CCDC6: variants seen among roughly 807,000 people sequenced by gnomAD.
CCDC6 encodes coiled-coil domain-containing protein 6.
In CCDC6, 20 loss-of-function variants were observed where a neutral mutation model predicts 56.6. The observed-to-expected ratio is 0.35, with a 90% CI of 0.25 to 0.51. The LOEUF (loss-of-function observed/expected upper bound fraction) is 0.51. Among genes scored for constraint, CCDC6 ranks in the 20% least tolerant of loss-of-function variants. CCDC6 has a pLI of 0.95. For missense variants in CCDC6, 367 were observed against 601.1 expected, an observed-to-expected ratio of 0.61 and a Z score of 4.07; for synonymous variants, 241 against 234.4, an observed-to-expected ratio of 1.03 and a Z score of -0.26.
chr10:59,833,335 G>C (rs530489818), intron 2 of CCDC6, among the ~76,000 whole-genome samples: 1 of 152,222 alleles, frequency 6.6e-6, no homozygotes, highest in Admixed American at 6.5e-5. Context: ...TGTAATCCCG[G>C]CTACTTGGGA....
At chr10:59,829,465 T>C (rs758740350) in intron 3 of CCDC6, among the ~76,000 whole-genome samples, 1 of 152,216 alleles carries the variant, frequency 6.6e-6, no homozygotes, top group Non-Finnish European at 1.5e-5. Flanking sequence ...AAAAAAATTA[T>C]ACGTGAATGT....
At chr10:59,823,052 C>T (rs1208886191) in intron 3 of CCDC6, among the ~76,000 whole-genome samples, 1 of 152,144 alleles carries the variant, frequency 6.6e-6, no homozygotes, top group Admixed American at 6.5e-5. Flanking sequence ...TGCCCCATCC[C>T]CTTTTCAGCT....
At chr10:59,824,352 C>G (rs1226183751) in intron 3 of CCDC6, among the ~76,000 whole-genome samples, 2 of 152,138 alleles carry the variant, frequency 1.3e-5, no homozygotes, top group Non-Finnish European at 2.9e-5. Flanking sequence ...CCTCCTGAAG[C>G]TTCTTTTGAG....
At chr10:59,900,392 A>C (rs1202168671) in intron 1 of CCDC6, among the ~76,000 whole-genome samples, 1 of 152,192 alleles carries the variant, frequency 6.6e-6, no homozygotes, top group Non-Finnish European at 1.5e-5. Context: ...AGAACATTTA[A>C]GGGGACGAGC....
intron 3 of CCDC6, among the ~76,000 whole-genome samples, chr10:59,818,253 T>G (rs538864686): frequency 6.6e-5 from 10 of 152,240 alleles, no homozygotes; most frequent in African/African-American, 2.4e-4. Flanking sequence ...AAACATGGGT[T>G]GGAGCTCTAC....
intron 1 of CCDC6, among the ~76,000 whole-genome samples, chr10:59,904,371 C>A (rs2071526823): frequency 6.6e-6 from 1 of 152,208 alleles, no homozygotes; most frequent in South Asian, 2.1e-4. Flanking sequence ...ACAGATAACC[C>A]TTTCATAGTC....
intron 2 of CCDC6, among the ~76,000 whole-genome samples, chr10:59,846,972 T>C (rs1308138255): frequency 2.0e-5 from 3 of 152,224 alleles, no homozygotes. Context: ...AAAACCATGA[T>C]CAATCTCAGT....
intron 1 of CCDC6, among the ~76,000 whole-genome samples, chr10:59,889,601 T>A (rs952177950): frequency 6.6e-5 from 10 of 152,192 alleles, no homozygotes; most frequent in African/African-American, 2.4e-4. Flanking sequence ...TCACTGCCCT[T>A]CTCTCCTGCT....
chr10:59,826,658 T>C (rs2070790521), intron 3 of CCDC6, among the ~76,000 whole-genome samples: 1 of 152,250 alleles, frequency 6.6e-6, no homozygotes, highest in East Asian at 1.9e-4. Context: ...ATGCATGCCA[T>C]ACAAGGGCAT....
At chr10:59,812,080 A>AAC (rs1165463392) in intron 5 of CCDC6, among the ~76,000 whole-genome samples, 3 of 148,144 alleles carry the variant, frequency 2.0e-5, no homozygotes, top group Non-Finnish European at 4.5e-5. Context: ...AAAAAAAAAA[A>AAC]AACCACAAAT....
intron 1 of CCDC6, among the ~76,000 whole-genome samples, chr10:59,877,231 C>T (rs921957414): frequency 6.6e-6 from 1 of 152,182 alleles, no homozygotes; most frequent in Non-Finnish European, 1.5e-5. Context: ...TCCATCTAGG[C>T]ATCTACTAAG....
At chr10:59,899,142 C>T (rs906871310) in intron 1 of CCDC6, among the ~76,000 whole-genome samples, 4 of 152,090 alleles carry the variant, frequency 2.6e-5, no homozygotes, top group African/African-American at 9.7e-5. Context: ...TAACACCACC[C>T]CAAGATCCTC....
chr10:59,811,824 T>C (rs560537677), intron 5 of CCDC6, among the ~76,000 whole-genome samples: 5 of 152,238 alleles, frequency 3.3e-5, no homozygotes, highest in African/African-American at 9.6e-5. Flanking sequence ...GGGACAACTG[T>C]ATTTATTGAA....
chr10:59,822,195 G>T (rs1429347626), intron 3 of CCDC6, among the ~76,000 whole-genome samples: 1 of 152,040 alleles, frequency 6.6e-6, no homozygotes, highest in Admixed American at 6.6e-5. Flanking sequence ...AATTAGATTT[G>T]TTCTTTGAAA....
chr10:59,852,589 T>C lies in CCDC6; in HGVS notation c.417A>G (p.Glu139=), dbSNP rs779216347. 1 of 1,599,984 alleles carries C rather than the reference T, an allele frequency of 6.3e-7. No homozygotes were observed. The highest frequency in any genetic ancestry group is 8.5e-7 in the Non-Finnish European group (1 of 1,175,564). ...TLAVNYEKEE[E]FLTNELSRKL... The stretch of plus-strand genomic sequence containing the variant: ...TTCTGGAGAGCTCATTAGTGAGGAA[T>C]TCTTCTTCTTTCTCATAATTTACAG... The change falls in exon 2 of 9, where the codon GAA becomes GAG. Residue 139 remains glutamate, a synonymous_variant. Transcript: ENST00000263102.
intron 1 of CCDC6, among the ~76,000 whole-genome samples, chr10:59,881,363 A>T (rs2071333442): frequency 6.6e-6 from 1 of 152,082 alleles, no homozygotes; most frequent in African/African-American, 2.4e-5. Context: ...CAGCACATTC[A>T]TAAGAAAAAA....
chr10:59,891,759 G>C (rs1179541407), intron 1 of CCDC6, among the ~76,000 whole-genome samples: 1 of 149,944 alleles, frequency 6.7e-6, no homozygotes, highest in East Asian at 1.9e-4. Flanking sequence ...GGGCAGTCTT[G>C]AGCTTACTTT....
intron 1 of CCDC6, among the ~76,000 whole-genome samples, chr10:59,861,941 G>C (rs2071132242): frequency 6.6e-6 from 1 of 152,104 alleles, no homozygotes; most frequent in African/African-American, 2.4e-5. Flanking sequence ...GAAACAGAAT[G>C]AACCACAGAT....
chr10:59,838,835 A>C (rs1448646590), intron 2 of CCDC6, among the ~76,000 whole-genome samples: 1 of 152,106 alleles, frequency 6.6e-6, no homozygotes, highest in African/African-American at 2.4e-5. Context: ...TAGGGTCTGA[A>C]TCCCTCCCCT....
Sources: gnomAD v4.1 joint callset for allele counts (sites outside exome capture counted in the v4.1 genomes callset) on GRCh38, gnomAD v4.1.1 for gene constraint, MANE v1.5 for transcripts, NCBI Gene and HGNC (gene_info 2026-07-23, HGNC 2026-07-21) for gene names.